TRIO: variants seen among roughly 807,000 people sequenced by gnomAD.
TRIO encodes the protein trio Rho guanine nucleotide exchange factor.
Under a neutral mutation model 351.9 loss-of-function variants are expected in TRIO, and 58 were observed. The observed-to-expected ratio is 0.16, with a 90% CI of 0.13 to 0.21. TRIO has a LOEUF of 0.21. TRIO is among the 10% of genes least tolerant of loss of function. TRIO has a pLI of 1.00. For synonymous variants in TRIO, 1,758 were observed against 1,595.7 expected, an observed-to-expected ratio of 1.10 and a Z score of -2.42; for missense variants, 3,201 against 4,027.8, an observed-to-expected ratio of 0.79 and a Z score of 5.56.
chr5:14,443,977 C>CTT (rs1279819912), intron 34 of TRIO, among the ~76,000 whole-genome samples: 2 of 152,298 alleles, frequency 1.3e-5, no homozygotes, highest in East Asian at 3.9e-4. Flanking sequence ...ATTCCCCTGA[C>CTT]TCAAGCTCAG....
chr5:14,374,900 T>G (rs975003635), intron 19 of TRIO, among the ~76,000 whole-genome samples: 4 of 152,044 alleles, frequency 2.6e-5, no homozygotes, highest in Admixed American at 2.0e-4. Flanking sequence ...GTATACTAAA[T>G]TGTAATAGGA....
chr5:14,250,495 C>T (rs1470125234), intron 1 of TRIO, among the ~76,000 whole-genome samples: 3 of 152,184 alleles, frequency 2.0e-5, no homozygotes, highest in Non-Finnish European at 4.4e-5. Context: ...GGAGCCTCTC[C>T]GTATGCCCAC....
At chr5:14,314,018 CAT>C (rs1460363336) in intron 8 of TRIO, among the ~76,000 whole-genome samples, 4 of 152,218 alleles carry the variant, frequency 2.6e-5, no homozygotes, top group Non-Finnish European at 4.4e-5. Flanking sequence ...TTCACCAAAT[CAT>C]AGGCTCTGAT....
chr5:14,372,253 T>A (rs62345010), intron 18 of TRIO, among the ~76,000 whole-genome samples: 906 of 115,016 alleles, frequency 7.9e-3, no homozygotes, highest in Non-Finnish European at 0.011. Context: ...GGCGGGGGTG[T>A]GAGAGAGAGA....
chr5:14,319,376 G>A (rs1484575601), intron 9 of TRIO, among the ~76,000 whole-genome samples: 1 of 152,178 alleles, frequency 6.6e-6, no homozygotes, highest in Non-Finnish European at 1.5e-5. Context: ...AGTAAATACT[G>A]TGACAATAGG....
chr5:14,380,681 A>G (rs916404607), intron 20 of TRIO, among the ~76,000 whole-genome samples: 10 of 152,322 alleles, frequency 6.6e-5, no homozygotes, highest in African/African-American at 2.2e-4. Context: ...AAGATCTAGA[A>G]CCAGAAATAC....
chr5:14,251,012 C>T (rs889712145), intron 1 of TRIO, among the ~76,000 whole-genome samples: 1 of 152,076 alleles, frequency 6.6e-6, no homozygotes, highest in African/African-American at 2.4e-5. Flanking sequence ...CGAGGGGAAC[C>T]CTTTGAATTT....
At chr5:14,450,086 C>T (rs183307736) in intron 34 of TRIO, among the ~76,000 whole-genome samples, 20 of 152,276 alleles carry the variant, frequency 1.3e-4, no homozygotes, top group African/African-American at 3.9e-4. Flanking sequence ...TTTTCAGAAA[C>T]GACGCTGAGA....
intron 41 of TRIO, 100 bp from the exon 42 acceptor site, chr5:14,479,161 A>G: frequency 2.0e-6 from 2 of 980,606 alleles, no homozygotes; most frequent in South Asian, 2.7e-5. Context: ...TGGTTTTAAG[A>G]TGAGTGCCTT....
intron 1 of TRIO, among the ~76,000 whole-genome samples, chr5:14,250,984 A>G (rs896885498): frequency 2.0e-5 from 3 of 152,218 alleles, no homozygotes; most frequent in Admixed American, 6.5e-5. Flanking sequence ...GGGAACACAC[A>G]GAAGACAGAG....
intron 1 of TRIO, among the ~76,000 whole-genome samples, chr5:14,189,697 G>C (rs1197264842): frequency 2.0e-5 from 3 of 152,014 alleles, no homozygotes; most frequent in Admixed American, 6.6e-5. Flanking sequence ...TGAGAGCTGA[G>C]GAGCTGCTGT....
chr5:14,298,752 C>A (rs1737590695), intron 7 of TRIO, among the ~76,000 whole-genome samples: 1 of 152,132 alleles, frequency 6.6e-6, no homozygotes, highest in South Asian at 2.1e-4. Flanking sequence ...CATGTAAAAG[C>A]TGAGAGTTTC....
intron 34 of TRIO, among the ~76,000 whole-genome samples, chr5:14,437,817 G>A (rs542111202): frequency 8.4e-4 from 128 of 152,068 alleles, no homozygotes; most frequent in Middle Eastern, 3.4e-3. Context: ...AGTTCAGCCC[G>A]TAATCCCACC....
At chr5:14,388,547 C>A in intron 23 of TRIO, 66 bp from the exon 24 acceptor site, 1 of 1,459,844 alleles carries the variant, frequency 6.9e-7, no homozygotes, top group Non-Finnish European at 9.5e-7. Flanking sequence ...TTCATAAATC[C>A]ATAAAAGTAG....
At chr5:14,462,962 C>T (rs780714834) in intron 36 of TRIO, 37 bp downstream of exon 36, 15 of 1,523,562 alleles carry the variant, frequency 9.8e-6, no homozygotes, top group Admixed American at 8.7e-5. Context: ...CCATGCCTGC[C>T]GTGCAGGGGC....
intron 1 of TRIO, among the ~76,000 whole-genome samples, chr5:14,158,074 GA>G (rs36010101): frequency 0.28 from 42,711 of 151,742 alleles, 6,262 homozygotes; most frequent in East Asian, 0.48. Context: ...ATTTTAGCAA[GA>G]AAAAAAATCA....
intron 33 of TRIO, among the ~76,000 whole-genome samples, chr5:14,409,798 G>GCA (rs1218743020): frequency 3.5e-5 from 5 of 142,130 alleles, no homozygotes; most frequent in Non-Finnish European, 6.0e-5. Flanking sequence ...TCAGGCCACT[G>GCA]CACTCCCACC....
Position 14,388,906 on chromosome 5 carries a change from T to C in TRIO, c.3948+227T>C, listed in dbSNP as rs543754972. Among the ~76,000 whole-genome samples, 6 of 152,324 alleles carry C rather than the reference T, an allele frequency of 3.9e-5. No homozygotes were observed. In the South Asian group the frequency reaches 1.2e-3, roughly 32 times the overall value. ...AGATGATACAGCATTAATCCTCTCA[T>C]TCTGTTTATCACATGATGGCCTGGC... On this transcript the variant is annotated intron_variant, in intron 24 of 56. Coordinates refer to ENST00000344204, the MANE Select transcript of TRIO (RefSeq NM_007118.4).
chr5:14,347,392 T>C (rs154158), intron 11 of TRIO, among the ~76,000 whole-genome samples: 32,126 of 51,456 alleles, frequency 0.62, 11,743 homozygotes, highest in Middle Eastern at 0.79. Context: ...TCATCTCAGG[T>C]GGACCTGAGG....
Sources: allele counts gnomAD v4.1 joint callset (sites outside exome capture counted in the v4.1 genomes callset), GRCh38; gene constraint gnomAD v4.1.1; transcripts MANE v1.5; gene names NCBI Gene and HGNC (gene_info 2026-07-23, HGNC 2026-07-21).